The following KCND1 variants were observed in gnomAD, a reference collection of about 807,000 sequenced individuals.
The protein encoded by KCND1 is potassium voltage-gated channel subfamily D member 1, also known as A-type voltage-gated potassium channel KCND1.
Under a neutral mutation model 31.8 loss-of-function variants are expected in KCND1, and 11 were observed. That is an observed-to-expected ratio of 0.35 (90% CI 0.22 to 0.57). The LOEUF is 0.57. Among genes scored for constraint, KCND1 ranks in the 20% least tolerant of loss-of-function variants. The pLI is 0.85. For missense variants in KCND1, 471 were observed against 596.8 expected (o/e 0.79, Z 2.20); for synonymous variants, 234 against 248.1 (o/e 0.94, Z 0.53).
intron 1 of KCND1, chrX:48,967,959 C>T (rs2064363315): frequency 8.9e-6 from 1 of 111,788 alleles, no homozygotes; most frequent in Admixed American, 9.5e-5. Flanking sequence ...GGCAGCCATC[C>T]ACCATCACAG....
Position 48,970,373 on chromosome X carries a change from A to T in KCND1, c.-102T>A. 1 of 771,783 alleles carries T rather than the reference A, an allele frequency of 1.3e-6. No homozygotes were observed. Among genetic ancestry groups the T allele is most frequent in the East Asian group, 3.5e-5 (1 of 28,850 alleles). The allele number at this position is 771,783 out of a possible 1,213,427, so 63.6% of individuals were successfully genotyped here. ...GGCTTGGAGACACCTTGAGCCACCC[A>T]AACAAGGAAACTGGGGGTGTCTAGA... On this transcript the variant is annotated 5_prime_UTR_variant, in exon 1 of 6. Coordinates refer to ENST00000218176, the MANE Select transcript of KCND1 (RefSeq NM_004979.6).
Position 48,966,573 on chromosome X carries a change from C to T in KCND1, c.1467+5G>A. 1 of 1,205,272 alleles carries T rather than the reference C, an allele frequency of 8.3e-7. No individual in the cohort carries two copies. The highest frequency in any genetic ancestry group is 1.1e-6 in the Non-Finnish European group (1 of 890,463). On this transcript the variant is annotated splice_donor_5th_base_variant and intron_variant, in intron 4 of 5. Coordinates refer to ENST00000218176, the MANE Select transcript of KCND1 (RefSeq NM_004979.6). ...TCTGCTATATCACCTCACATTAGGC[C>T]TCACCGTTGTCTTCTCTAGACAGTG... is the stretch of plus-strand genomic sequence containing the variant.
rs782361236 is a variant in KCND1, at chrX:48,966,211, T to C, written c.1562A>G (p.Gln521Arg). 2 of 1,208,757 alleles carry C rather than the reference T, an allele frequency of 1.7e-6. No individual in the cohort carries two copies. The highest frequency in any genetic ancestry group is 3.0e-5 in the East Asian group (1 of 33,770). Residue 521 changes from glutamine to arginine, a missense_variant, in exon 5 of 6, where the codon CAG becomes CGG. By Grantham distance (43) the Gln-to-Arg change is conservative. Transcript: ENST00000218176. ...CAGCAGGCTTCCGGGTCCCACTGGC[T>C]GGGAAGACACAGAGGTGCTACGGCT... ...RTSRSTSVSS[Q>R]PVGPGSLLSS...
rs1557058432 is a variant in KCND1 at position 48,969,380 on chromosome X, G to A, written c.892C>T (p.Arg298Trp). Residue 298 changes from arginine (R) to tryptophan (W), a missense_variant, in exon 1 of 6, where the codon CGG becomes TGG. Around this residue, in one of 3 missense-constraint regions of KCND1, gnomAD observed 74 missense variants for 154.2 expected, o/e 0.48. Coordinates refer to ENST00000218176, the MANE Select transcript of KCND1 (RefSeq NM_004979.6). Reference protein sequence around the residue: ...SGAFVTLRVFRVFRIFKFSRH... With the variant: ...SGAFVTLRVFWVFRIFKFSRH... ...GAGAACTTGAAGATGCGAAACACCC[G>A]GAACACACGCAGGGTGACAAAGGCG... 4 of 1,210,238 alleles carry A rather than the reference G, an allele frequency of 3.3e-6. No individual in the cohort carries two copies. The highest frequency in any genetic ancestry group is 1.8e-5 in the South Asian group (1 of 56,746).
chrX:48,970,604 T>A lies in KCND1; in HGVS notation c.-333A>T. 5.0e-6 allele frequency: 1 copy of A among 200,265 alleles called. No homozygotes were observed. Among genetic ancestry groups the A allele is most frequent in the Non-Finnish European group, 8.9e-6 (1 of 111,839 alleles). 16.5% of individuals were successfully genotyped at this position (200,265 alleles called of 1,213,427 possible). On this transcript the variant is annotated 5_prime_UTR_variant, in exon 1 of 6. Transcript: ENST00000218176. ...AGAGACTGAGATGATTCTAAAGGAG[T>A]CAGCCTGTGCCTGAGAGGTGTCTGG...
intron 5 of KCND1, among the ~76,000 whole-genome samples, 198 bp from the exon 6 acceptor site, chrX:48,963,004 C>T (rs1220628086): frequency 1.8e-5 from 2 of 110,066 alleles, no homozygotes; most frequent in Non-Finnish European, 3.8e-5. Flanking sequence ...GGCATGGTGG[C>T]GCATGCCTGT....
chrX:48,967,305 C>T (rs2064359865), intron 1 of KCND1, 199 bp from the exon 2 acceptor site: 3 of 421,908 alleles, frequency 7.1e-6, no homozygotes, highest in Non-Finnish European at 1.2e-5. Flanking sequence ...CTACCATCTG[C>T]TGCCCCTGTC....
rs1557057311 is a variant in KCND1, at chrX:48,962,683, A to G, written c.1842T>C (p.Pro614=). ...PPANTPDESQ[P]SSPGGGGRAG... ...CCCTGCCACCGCCGCCAGGGGAGGAAGGTTGGCTCTCATCTGGGGTGTTGG... is the reference window on the plus strand; with the variant it reads ...CCCTGCCACCGCCGCCAGGGGAGGAGGGTTGGCTCTCATCTGGGGTGTTGG... The change falls in exon 6 of 6, where the codon CCT becomes CCC. Residue 614 remains proline (P), a synonymous_variant. Coordinates refer to ENST00000218176, the MANE Select transcript of KCND1 (RefSeq NM_004979.6). The G allele has an allele frequency of 8.3e-7, 1 of 1,210,260 alleles. No individual in the cohort carries two copies. Among genetic ancestry groups the G allele is most frequent in the Admixed American group, 2.2e-5 (1 of 45,932 alleles).
At position 48,962,714 on chromosome X, in the gene KCND1, G is replaced by A. The variant is rs868910947; in HGVS notation, c.1811C>T (p.Pro604Leu). The A allele has an allele frequency of 6.6e-6, 8 of 1,208,626 alleles. No individual in the cohort carries two copies. Among genetic ancestry groups the A allele is most frequent in the Non-Finnish European group, 8.9e-6 (8 of 894,549 alleles). Residue 604 changes from proline to leucine, a missense_variant, in exon 6 of 6, where the codon CCT becomes CTT. Pro to Leu is a moderately conservative substitution (Grantham distance 98). This residue lies in a region of KCND1 where 185 missense variants were observed against 184.7 expected (regional missense o/e 1.00). Transcript: ENST00000218176. The stretch of plus-strand genomic sequence containing the variant: ...GCTCTCATCTGGGGTGTTGGCAGGA[G>A]GGGTAGGGATGCTGATAATGGCAGC... The part of the protein sequence containing the change: ...FVAAIISIPT[P>L]PANTPDESQP...
chrX:48,970,370 C>A lies in KCND1; in HGVS notation c.-99G>T. The A allele has an allele frequency of 1.2e-6, 1 of 834,775 alleles. No homozygotes were observed. The highest frequency in any genetic ancestry group is 1.7e-6 in the Non-Finnish European group (1 of 605,516). 68.8% of individuals were successfully genotyped at this position (834,775 alleles called of 1,213,427 possible). ...GGGGGCTTGGAGACACCTTGAGCCA[C>A]CCAAACAAGGAAACTGGGGGTGTCT... On this transcript the variant is annotated 5_prime_UTR_variant, in exon 1 of 6. Transcript: ENST00000218176.
In KCND1 at chrX:48,967,085, G is replaced by T. The variant is rs1557058162; in HGVS notation, c.1143C>A (p.Ser381Arg). The T allele has an allele frequency of 8.3e-7, 1 of 1,210,665 alleles. No individual in the cohort carries two copies. Among genetic ancestry groups the T allele is most frequent in the South Asian group, 1.8e-5 (1 of 56,949 alleles). Residue 381 changes from serine to arginine, a missense_variant, in exon 2 of 6, where the codon AGC becomes AGA. Coordinates refer to ENST00000218176, the MANE Select transcript of KCND1 (RefSeq NM_004979.6). The part of the protein sequence containing the change: ...TTLGYGDMVP[S>R]TIAGKIFGSI... ...ACCCGAAAATCTTGCCAGCAATGGT[G>T]CTGGGCACCATGTCTCCGTAGCTGG... is the stretch of plus-strand genomic sequence containing the variant.
At position 48,969,583 on chromosome X, in the gene KCND1, G is replaced by T. The variant is rs782108219; in HGVS notation, c.689C>A (p.Ala230Asp). 1 of 1,210,489 alleles carries T rather than the reference G, an allele frequency of 8.3e-7. No homozygotes were observed. Among genetic ancestry groups the T allele is most frequent in the Non-Finnish European group, 1.1e-6 (1 of 894,742 alleles). Residue 230 changes from alanine (A) to aspartate (D), a missense_variant, in exon 1 of 6, where the codon GCC (alanine) becomes GAC (aspartate). Physicochemically the swap from Ala to Asp is moderately radical, Grantham distance 126 (BLOSUM62 -2). Around this residue, in one of 3 missense-constraint regions of KCND1, gnomAD observed 212 missense variants for 257.9 expected, o/e 0.82. Transcript: ENST00000218176. ...ACAGGCTGTGTCCATGCAGAAAAAG[G>T]CCTGTGGGAAGCGTTCGCCACAGGG... ...EQPCGERFPQ[A>D]FFCMDTACVL...
chrX:48,965,932 T>A, intron 5 of KCND1, 123 bp downstream of exon 5: 2 of 740,549 alleles, frequency 2.7e-6, no homozygotes, highest in Non-Finnish European at 3.9e-6. Context: ...AGCCCAAGCT[T>A]CCAGCATGGA....
At position 48,970,627 on chromosome X, in the gene KCND1, T is replaced by G; in HGVS notation, c.-356A>C. On this transcript the variant is annotated 5_prime_UTR_variant, in exon 1 of 6. Coordinates refer to ENST00000218176, the MANE Select transcript of KCND1 (RefSeq NM_004979.6). ...AGTCAGCCTGTGCCTGAGAGGTGTCTGGGGGCGTCTAGAGGGGCCAAGAAA... is the reference window on the plus strand; with the variant it reads ...AGTCAGCCTGTGCCTGAGAGGTGTCGGGGGGCGTCTAGAGGGGCCAAGAAA... 2 of 167,300 alleles carry G rather than the reference T, an allele frequency of 1.2e-5. No individual in the cohort carries two copies. The highest frequency in any genetic ancestry group is 2.2e-5 in the Non-Finnish European group (2 of 90,695). 13.8% of individuals were successfully genotyped at this position (167,300 alleles called of 1,213,427 possible).
chrX:48,967,780 C>T (rs1293933941), intron 1 of KCND1: 1 of 112,268 alleles, frequency 8.9e-6, no homozygotes, highest in East Asian at 2.8e-4. Context: ...CCTCTGCAGT[C>T]TTCAGCCTCT....
Position 48,967,323 on chromosome X carries a change from C to T in KCND1, c.1122-217G>A, listed in dbSNP as rs1178898206. 5 of 397,751 alleles carry T rather than the reference C, an allele frequency of 1.3e-5. No individual in the cohort carries two copies. In the East Asian group the frequency reaches 1.6e-4, roughly 13 times the overall value. 32.8% of individuals were successfully genotyped at this position (397,751 alleles called of 1,213,427 possible). A position where few individuals can be genotyped will look rare whatever the true frequency, so the allele number is the denominator to read the frequency against. ...CCATCTGCTGCCCCTGTCCAAGCTACATACCAAGCACCTGAGTCAGCTAGA... is the reference window on the plus strand; with the variant it reads ...CCATCTGCTGCCCCTGTCCAAGCTATATACCAAGCACCTGAGTCAGCTAGA... On this transcript the variant is annotated intron_variant, in intron 1 of 5. Transcript: ENST00000218176.
At chrX:48,964,265 T>C (rs1227084490) in intron 5 of KCND1, among the ~76,000 whole-genome samples, 2 of 111,986 alleles carry the variant, frequency 1.8e-5, no homozygotes, top group African/African-American at 6.5e-5. Context: ...ATGCCTGTAA[T>C]CCCAGCACTT....
chrX:48,971,017 T>A lies in KCND1; in HGVS notation c.-746A>T, dbSNP rs929210091. The A allele has an allele frequency of 9.1e-6, 1 of 109,532 alleles. No individual in the cohort carries two copies. Among genetic ancestry groups the A allele is most frequent in the African/African-American group, 3.3e-5 (1 of 29,944 alleles). 9.0% of individuals were successfully genotyped at this position (109,532 alleles called of 1,213,427 possible). ...GAATAGCCCGGGGGGGTGTCTATAC[T>A]CTACAGGAGTTCTGGGGAAGAAAGG... is the stretch of plus-strand genomic sequence containing the variant. On this transcript the variant is annotated 5_prime_UTR_variant, in exon 1 of 6. Transcript: ENST00000218176.
At chrX:48,967,243 G>C in intron 1 of KCND1, 137 bp from the exon 2 acceptor site, 3 of 532,654 alleles carry the variant, frequency 5.6e-6, no homozygotes, top group Non-Finnish European at 9.1e-6. Context: ...TCAGTTTCTT[G>C]CTCTGTAAAA....
Sources: gnomAD v4.1 joint callset for allele counts (sites outside exome capture counted in the v4.1 genomes callset) on GRCh38, gnomAD v4.1.1 for gene constraint, gnomAD v4.1.1 regional missense constraint, MANE v1.5 for transcripts, NCBI Gene and HGNC (gene_info 2026-07-23, HGNC 2026-07-21) for gene names.